Variants in RPS4X observed in about 807,000 individuals in gnomAD.
The protein encoded by RPS4X is small ribosomal subunit protein eS4, X isoform.
For missense variants in RPS4X, 90 were observed against 219.1 expected (o/e 0.41, Z 3.72); for synonymous variants, 76 against 76.8 (o/e 0.99, Z 0.06).
In RPS4X at chrX:72,273,964, C is replaced by T. The variant is rs1217251854; in HGVS notation, c.369G>A (p.Leu123=). The T allele has an allele frequency of 6.6e-6, 8 of 1,209,972 alleles. No individual in the cohort carries two copies. The highest frequency in any genetic ancestry group is 1.8e-5 in the South Asian group (1 of 56,862). Reference sequence around the variant, plus strand: ...CCACAAAGATCTTTCTCACTTTGCACAACTTGTACTAGAAAAATACAAGGG... The same window carrying T: ...CCACAAAGATCTTTCTCACTTTGCATAACTTGTACTAGAAAAATACAAGGG... ...RITPEEAKYK[L]CKVRKIFVGT... The change falls in exon 5 of 7, where the codon TTG becomes TTA. Residue 123 remains leucine (L), a synonymous_variant. Coordinates refer to ENST00000316084, the MANE Select transcript of RPS4X (RefSeq NM_001007.5).
chrX:72,276,090 T>C, intron 2 of RPS4X, 67 bp downstream of exon 2: 1 of 898,688 alleles, frequency 1.1e-6, no homozygotes, highest in Admixed American at 2.3e-5. Context: ...CCTAGCCTGG[T>C]CCCCAAATGA....
intron 5 of RPS4X, 50 bp downstream of exon 5, chrX:72,273,751 A>T (rs2043190321): frequency 1.9e-6 from 2 of 1,079,512 alleles, no homozygotes; most frequent in African/African-American, 3.6e-5. Context: ...TGCAATTCAT[A>T]ATGATCTAGG....
chrX:72,276,887 G>T, intron 1 of RPS4X, among the ~76,000 whole-genome samples: 1 of 112,608 alleles, frequency 8.9e-6, no homozygotes. Flanking sequence ...CCTCGGGCTC[G>T]CAGTCTGAGC....
chrX:72,273,830 T>C lies in RPS4X; in HGVS notation c.503A>G (p.Lys168Arg), dbSNP rs757659118. The C allele has an allele frequency of 8.3e-6, 10 of 1,206,768 alleles. No individual in the cohort carries two copies. Among genetic ancestry groups the C allele is most frequent in the South Asian group, 7.1e-5 (4 of 56,640 alleles). Residue 168 changes from lysine to arginine, a missense_variant, in exon 5 of 7, where the codon AAG (lysine) becomes AGG (arginine). Physicochemically the swap from Lys to Arg is conservative, Grantham distance 26. Coordinates refer to ENST00000316084, the MANE Select transcript of RPS4X (RefSeq NM_001007.5). ...DTIQIDLETG[K>R]ITDFIKFDTG... is the part of the protein sequence containing the mutation. ...GTCGAACTTGATGAAATCAGTAATC[T>C]TGCCAGTCTCCAAATCAATCTGAAT...
rs758557722 is a variant in RPS4X at position 72,273,304 on chromosome X, G to A, written c.618C>T (p.Asp206=). ...TNRERHPGSF[D]VVHVKDANGN... is the part of the protein sequence containing the mutation. ...CATTGGCATCTTTCACGTGAACCAC[G>A]TCAAAAGATCCAGGGTGCCTCTCTC... is the stretch of plus-strand genomic sequence containing the variant. Residue 206 remains aspartate, a synonymous_variant, in exon 6 of 7, where the codon GAC becomes GAT. Coordinates refer to ENST00000316084, the MANE Select transcript of RPS4X (RefSeq NM_001007.5). 77 of 1,209,051 alleles carry A rather than the reference G, an allele frequency of 6.4e-5. 1 individual carries two copies. Among genetic ancestry groups the A allele is most frequent in the Non-Finnish European group, 7.6e-5 (68 of 894,207 alleles).
At position 72,275,095 on chromosome X, in the gene RPS4X, C is replaced by T. The variant is rs754403948; in HGVS notation, c.318G>A (p.Lys106=). The change falls in exon 4 of 7, where the codon AAG becomes AAA. Residue 106 remains lysine, a synonymous_variant. Transcript: ENST00000316084. ...GENFRLIYDT[K]GRFAVHRITP... ...TAATACGATGTACAGCAAAGCGACC[C>T]TTGGTGTCATAGATCAGACGGAAAT... 25 of 1,207,604 alleles carry T rather than the reference C, an allele frequency of 2.1e-5. No homozygotes were observed. Among genetic ancestry groups the T allele is most frequent in the Non-Finnish European group, 4.5e-6 (4 of 893,741 alleles).
At chrX:72,275,181 A>G in intron 3 of RPS4X, 31 bp from the exon 4 acceptor site, 1 of 994,561 alleles carries the variant, frequency 1.0e-6, no homozygotes, top group Non-Finnish European at 1.4e-6. Context: ...GTTACTACAT[A>G]CAGTGATCCC....
At chrX:72,276,084 G>T in intron 2 of RPS4X, 73 bp downstream of exon 2, 2 of 853,894 alleles carry the variant, frequency 2.3e-6, no homozygotes, top group Non-Finnish European at 3.5e-6. Context: ...TCCTCCCCTA[G>T]CCTGGTCCCC....
Position 72,272,519 on chromosome X carries a change from C to T in RPS4X, c.*152G>A, listed in dbSNP as rs773305995. On this transcript the variant is annotated 3_prime_UTR_variant, in exon 7 of 7. Transcript: ENST00000316084. ...GCCAATAACAGACTGCCTAAGCCTG[C>T]CTGAGAACTTAATCACTGTTCATGT... 1.9e-3 allele frequency: 782 copies of T among 413,735 alleles called. 5 individuals are homozygous for T. The highest frequency in any genetic ancestry group is 2.7e-3 in the Non-Finnish European group (640 of 239,724). The allele number at this position is 413,735 out of a possible 1,213,427, so 34.1% of individuals were successfully genotyped here.
At chrX:72,275,182 C>T (rs749234267) in intron 3 of RPS4X, 32 bp from the exon 4 acceptor site, 2 of 976,518 alleles carry the variant, frequency 2.0e-6, no homozygotes, top group South Asian at 4.0e-5. Flanking sequence ...TTACTACATA[C>T]AGTGATCCCC....
rs1247342329 is a variant in RPS4X at position 72,277,198 on chromosome X, C to G, written c.-3G>C. On this transcript the variant is annotated 5_prime_UTR_variant, in exon 1 of 7. Transcript: ENST00000316084. ...TCGCTAACTAAACGGCTTACCATGG[C>G]TGCGTTAGGCAAGGAAAGAGGACCT... 8.3e-7 allele frequency: 1 copy of G among 1,210,860 alleles called. No homozygotes were observed. Among genetic ancestry groups the G allele is most frequent in the Non-Finnish European group, 1.1e-6 (1 of 894,878 alleles).
At chrX:72,275,278 T>A (rs1341026857) in intron 3 of RPS4X, 128 bp from the exon 4 acceptor site, 1 of 480,528 alleles carries the variant, frequency 2.1e-6, no homozygotes, top group Non-Finnish European at 3.5e-6. Context: ...CAACAAGGAT[T>A]CTGAAGATTA....
chrX:72,275,872 A>C (rs982574703), intron 2 of RPS4X, 148 bp from the exon 3 acceptor site: 4 of 512,192 alleles, frequency 7.8e-6, no homozygotes, highest in Non-Finnish European at 1.3e-5. Context: ...AAAAGCATCC[A>C]AAACTATTTC....
At chrX:72,276,081 C>G in intron 2 of RPS4X, 76 bp downstream of exon 2, 1 of 840,532 alleles carries the variant, frequency 1.2e-6, no homozygotes. Context: ...TATTCCTCCC[C>G]TAGCCTGGTC....
At chrX:72,277,113 A>C in intron 1 of RPS4X, 80 bp downstream of exon 1, 1 of 1,105,854 alleles carries the variant, frequency 9.0e-7, no homozygotes, top group Non-Finnish European at 1.2e-6. Context: ...CCCAGTAGGA[A>C]TCCCGAAACC....
chrX:72,277,225 C>T lies in RPS4X; in HGVS notation c.-30G>A, dbSNP rs931763405. On this transcript the variant is annotated 5_prime_UTR_variant, in exon 1 of 7. Coordinates refer to ENST00000316084, the MANE Select transcript of RPS4X (RefSeq NM_001007.5). ...GCGTTAGGCAAGGAAAGAGGACCTC[C>T]GTCTTCCGGTGCGCGTAGAAATTGG... The T allele has an allele frequency of 5.0e-6, 6 of 1,207,872 alleles. No homozygotes were observed. The highest frequency in any genetic ancestry group is 3.0e-5 in the East Asian group (1 of 33,678).
chrX:72,274,917 TTAGCTAGA>T (rs1222292339), intron 4 of RPS4X, 128 bp downstream of exon 4: 1 of 438,393 alleles, frequency 2.3e-6, no homozygotes, highest in Admixed American at 3.7e-5. Context: ...CATCGAATTG[TTAGCTAGA>T]TATTTCCAGG....
chrX:72,272,636 G>A lies in RPS4X; in HGVS notation c.*35C>T, dbSNP rs376839099. 4 of 960,489 alleles carry A rather than the reference G, an allele frequency of 4.2e-6. No individual in the cohort carries two copies. Among genetic ancestry groups the A allele is most frequent in the East Asian group, 3.1e-5 (1 of 31,940 alleles). The allele number at this position is 960,489 out of a possible 1,213,427, so 79.2% of individuals were successfully genotyped here. ...ATCCTGCCACAATATTTTTAATTAC[G>A]TACAAAGATCTGACATGTCACCCAG... On this transcript the variant is annotated 3_prime_UTR_variant, in exon 7 of 7. Coordinates refer to ENST00000316084, the MANE Select transcript of RPS4X (RefSeq NM_001007.5).
intron 3 of RPS4X, 52 bp downstream of exon 3, chrX:72,275,492 T>C: frequency 5.2e-6 from 5 of 962,413 alleles, no homozygotes; most frequent in Non-Finnish European, 7.4e-6. Context: ...AGTATTTGGA[T>C]ACCATAGGGC....
Sources: allele counts gnomAD v4.1 joint callset (sites outside exome capture counted in the v4.1 genomes callset), GRCh38; gene constraint gnomAD v4.1.1; transcripts MANE v1.5; gene names NCBI Gene and HGNC (gene_info 2026-07-23, HGNC 2026-07-21).